Variants in COL5A2 observed in about 807,000 individuals in gnomAD.
The protein encoded by COL5A2 is collagen type V alpha 2 chain, also known as collagen alpha-2(V) chain.
Under a neutral mutation model 208.2 loss-of-function variants are expected in COL5A2, and 23 were observed. That is an observed-to-expected ratio of 0.11 (90% CI 0.08 to 0.16). The LOEUF is 0.16. Among genes scored for constraint, COL5A2 ranks in the 10% least tolerant of loss-of-function variants. The probability of loss-of-function intolerance (pLI) is 1.00; values close to 1 mark genes in which losing one functional copy is unlikely to be tolerated. For missense variants in COL5A2, 1,590 were observed against 1,956.4 expected (o/e 0.81, Z 3.53); for synonymous variants, 625 against 628.5 (o/e 0.99, Z 0.08).
the COL5A2 span, among the ~76,000 whole-genome samples, chr2:189,377,807 C>A: frequency 6.6e-6 from 1 of 152,250 alleles, no homozygotes; most frequent in African/African-American, 2.4e-5. Flanking sequence ...AGAATAGACA[C>A]GTTACAAGCA....
chr2:189,378,726 CAA>C, the COL5A2 span, among the ~76,000 whole-genome samples: 19 of 79,474 alleles, frequency 2.4e-4, no homozygotes, highest in Admixed American at 2.8e-4. Context: ...TCCGTCTCAA[CAA>C]AAAAAAAAAA....
chr2:189,233,921 T>C, the COL5A2 span, among the ~76,000 whole-genome samples: 1 of 151,878 alleles, frequency 6.6e-6, no homozygotes, highest in South Asian at 2.1e-4. Context: ...CATACCCCCA[T>C]TGTAAGTCAA....
At chr2:189,292,031 A>G in the COL5A2 span, among the ~76,000 whole-genome samples, 1 of 152,192 alleles carries the variant, frequency 6.6e-6, no homozygotes, top group African/African-American at 2.4e-5. Flanking sequence ...TAAGCAATGG[A>G]TAGCTCCAAC....
intron 1 of COL5A2, among the ~76,000 whole-genome samples, chr2:189,146,081 T>C (rs1248897210): frequency 2.6e-5 from 4 of 152,128 alleles, no homozygotes; most frequent in Non-Finnish European, 5.9e-5. Flanking sequence ...TCTTCATACA[T>C]TGATCGGATG....
intron 7 of COL5A2, among the ~76,000 whole-genome samples, chr2:189,090,470 T>C (rs1686760488): frequency 6.6e-6 from 1 of 152,220 alleles, no homozygotes; most frequent in Non-Finnish European, 1.5e-5. Flanking sequence ...GTTAGCATCA[T>C]TGATGAACGT....
chr2:189,223,623 G>C (rs1689375666), intron 1 of COL5A2, among the ~76,000 whole-genome samples: 1 of 152,096 alleles, frequency 6.6e-6, no homozygotes, highest in Non-Finnish European at 1.5e-5. Flanking sequence ...TAGTCATACA[G>C]CAATAAAAAT....
chr2:189,046,604 T>C (rs1685673206), intron 45 of COL5A2, among the ~76,000 whole-genome samples: 1 of 152,126 alleles, frequency 6.6e-6, no homozygotes. Context: ...ATATTACTTG[T>C]CTCCTTAAGA....
chr2:189,212,766 A>G (rs1689231542), intron 1 of COL5A2, among the ~76,000 whole-genome samples: 1 of 151,946 alleles, frequency 6.6e-6, no homozygotes, highest in Non-Finnish European at 1.5e-5. Flanking sequence ...AGGCAAGACC[A>G]AGATAAATTG....
the COL5A2 span, among the ~76,000 whole-genome samples, chr2:189,412,808 CAT>C: frequency 6.6e-6 from 1 of 152,174 alleles, no homozygotes; most frequent in Non-Finnish European, 1.5e-5. Flanking sequence ...AAAGAGCACA[CAT>C]CTCTTAACAT....
chr2:189,394,278 C>T, the COL5A2 span, among the ~76,000 whole-genome samples: 147 of 151,330 alleles, frequency 9.7e-4, 2 homozygotes, highest in African/African-American at 3.3e-3. Flanking sequence ...TTAGATTCTT[C>T]ATACAAAGCC....
At chr2:189,268,157 T>A in the COL5A2 span, among the ~76,000 whole-genome samples, 3 of 152,138 alleles carry the variant, frequency 2.0e-5, no homozygotes, top group African/African-American at 7.2e-5. Context: ...TTGAAATAAA[T>A]TTTAAAAGGA....
chr2:189,051,060 T>C (rs1685776379), intron 42 of COL5A2, among the ~76,000 whole-genome samples: 1 of 152,132 alleles, frequency 6.6e-6, no homozygotes, highest in Non-Finnish European at 1.5e-5. Flanking sequence ...ACATATATTT[T>C]TAAAGTTATT....
intron 1 of COL5A2, among the ~76,000 whole-genome samples, chr2:189,111,206 G>A (rs114613161): frequency 0.015 from 2,321 of 151,212 alleles, 24 homozygotes; most frequent in Non-Finnish European, 0.02. Flanking sequence ...ATTTAAGAAA[G>A]TTTGGGAAAA....
intron 1 of COL5A2, among the ~76,000 whole-genome samples, chr2:189,117,200 A>G (rs1687408885): frequency 6.6e-6 from 1 of 152,186 alleles, no homozygotes; most frequent in African/African-American, 2.4e-5. Context: ...TGCACATGCA[A>G]TGCTCATCTA....
chr2:189,148,970 T>A (rs1384127070), intron 1 of COL5A2, among the ~76,000 whole-genome samples: 2 of 151,992 alleles, frequency 1.3e-5, no homozygotes, highest in Non-Finnish European at 2.9e-5. Context: ...CAAAAACCCA[T>A]CTCTACCAAA....
At chr2:189,228,543 T>A (rs1052794340), upstream of COL5A2, among the ~76,000 whole-genome samples, 2 of 151,734 alleles carry the variant, frequency 1.3e-5, no homozygotes, top group Admixed American at 1.3e-4. Context: ...TTATAGATTA[T>A]CCAAATTGGA....
chr2:189,281,155 G>T, the COL5A2 span, among the ~76,000 whole-genome samples: 1 of 152,058 alleles, frequency 6.6e-6, no homozygotes, highest in South Asian at 2.1e-4. Flanking sequence ...TTGTCAGAAT[G>T]GATTTTTTAT....
the COL5A2 span, among the ~76,000 whole-genome samples, chr2:189,303,474 C>T: frequency 1.3e-5 from 2 of 152,140 alleles, no homozygotes; most frequent in Non-Finnish European, 2.9e-5. Context: ...TCCTGTCAAA[C>T]CACCTAAAGA....
chr2:189,227,439 TTAAAC>T, upstream of COL5A2, among the ~76,000 whole-genome samples: 1 of 152,126 alleles, frequency 6.6e-6, no homozygotes, highest in East Asian at 1.9e-4. Flanking sequence ...GCTGAATAGA[TTAAAC>T]TAAAAAGAAG....
Sources: allele counts gnomAD v4.1 joint callset (sites outside exome capture counted in the v4.1 genomes callset), GRCh38; gene constraint gnomAD v4.1.1; transcripts MANE v1.5; gene names NCBI Gene and HGNC (gene_info 2026-07-23, HGNC 2026-07-21).